MYO3B: variants seen among roughly 807,000 people sequenced by gnomAD.
MYO3B encodes the protein myosin IIIB, also known as myosin-IIIb.
In MYO3B, 156 loss-of-function variants were observed where a neutral mutation model predicts 174.6. That is an observed-to-expected ratio of 0.89 (90% confidence interval 0.78 to 1.02). The LOEUF (loss-of-function observed/expected upper bound fraction) is 1.02. Among genes scored for constraint, MYO3B ranks in the 50% least tolerant of loss-of-function variants. The probability of loss-of-function intolerance (pLI) is 0.00; values close to 1 mark genes in which losing one functional copy is unlikely to be tolerated. For missense variants in MYO3B, 1,632 were observed against 1,639.4 expected, an observed-to-expected ratio of 1.00 and a Z score of 0.08; for synonymous variants, 563 against 569.1, an observed-to-expected ratio of 0.99 and a Z score of 0.15.
chr2:170,367,351 T>C (rs2094206643), intron 8 of MYO3B, among the ~76,000 whole-genome samples: 1 of 152,228 alleles, frequency 6.6e-6, no homozygotes, highest in African/African-American at 2.4e-5. Flanking sequence ...AATACTGATA[T>C]GCCTATTTGG....
intron 34 of MYO3B, among the ~76,000 whole-genome samples, chr2:170,652,693 A>T (rs1290110721): frequency 6.6e-6 from 1 of 152,232 alleles, no homozygotes; most frequent in East Asian, 1.9e-4. Context: ...AGAGGGAACC[A>T]GATGGAGACA....
intron 7 of MYO3B, among the ~76,000 whole-genome samples, chr2:170,286,212 A>T (rs532639922): frequency 2.6e-5 from 4 of 152,358 alleles, no homozygotes; most frequent in Admixed American, 2.6e-4. Context: ...AGCCAAAGCA[A>T]TGTAAAGGAA....
At chr2:170,442,105 TG>T (rs1194683951) in intron 22 of MYO3B, among the ~76,000 whole-genome samples, 1 of 152,180 alleles carries the variant, frequency 6.6e-6, no homozygotes, top group Non-Finnish European at 1.5e-5. Flanking sequence ...TTCTTTTTTT[TG>T]TGGACATATA....
At chr2:170,544,840 C>G (rs948046961) in intron 32 of MYO3B, among the ~76,000 whole-genome samples, 3 of 151,906 alleles carry the variant, frequency 2.0e-5, no homozygotes, top group African/African-American at 7.3e-5. Flanking sequence ...ATGATAAACC[C>G]GACAAAGGAA....
At chr2:170,438,716 C>A (rs1045407834) in intron 22 of MYO3B, among the ~76,000 whole-genome samples, 4 of 151,962 alleles carry the variant, frequency 2.6e-5, no homozygotes, top group Non-Finnish European at 5.9e-5. Context: ...CTCACTGCAG[C>A]CTCCCCCTCC....
intron 8 of MYO3B, among the ~76,000 whole-genome samples, chr2:170,352,839 A>G (rs1043277435): frequency 1.3e-4 from 20 of 152,226 alleles, no homozygotes; most frequent in African/African-American, 4.6e-4. Context: ...AATAAAATAA[A>G]AAGATTCAAC....
At chr2:170,522,570 T>C (rs1688741992) in intron 30 of MYO3B, among the ~76,000 whole-genome samples, 1 of 152,252 alleles carries the variant, frequency 6.6e-6, no homozygotes. Context: ...AGAACTTTAA[T>C]GGCTTCCTAT....
intron 32 of MYO3B, among the ~76,000 whole-genome samples, chr2:170,547,490 A>G (rs2106216118): frequency 6.6e-6 from 1 of 152,354 alleles, no homozygotes; most frequent in East Asian, 1.9e-4. Flanking sequence ...AGCAATGTAT[A>G]CAGACCTCAT....
intron 10 of MYO3B, 53 bp from the exon 11 acceptor site, chr2:170,383,016 AATCT>A (rs1463313675): frequency 9.3e-7 from 1 of 1,077,770 alleles, no homozygotes; most frequent in African/African-American, 1.6e-5. Context: ...TCATTTTTAG[AATCT>A]ATCCCTTGAC....
chr2:170,598,609 C>T (rs911797161), intron 32 of MYO3B, among the ~76,000 whole-genome samples: 6 of 152,266 alleles, frequency 3.9e-5, no homozygotes, highest in African/African-American at 1.4e-4. Flanking sequence ...AGGCCACAGA[C>T]CCGAGTCCAT....
intron 30 of MYO3B, among the ~76,000 whole-genome samples, chr2:170,520,461 A>C (rs1283060503): frequency 6.7e-6 from 1 of 148,634 alleles, no homozygotes; most frequent in African/African-American, 2.5e-5. Flanking sequence ...ATATATATAC[A>C]CACACATATA....
At chr2:170,516,708 C>G (rs960083344) in intron 29 of MYO3B, among the ~76,000 whole-genome samples, 3 of 151,942 alleles carry the variant, frequency 2.0e-5, no homozygotes, top group African/African-American at 7.3e-5. Flanking sequence ...GATTTAGTTC[C>G]TCTAGAACTC....
intron 32 of MYO3B, among the ~76,000 whole-genome samples, chr2:170,577,534 G>A (rs193084894): frequency 6.6e-6 from 1 of 152,214 alleles, no homozygotes; most frequent in African/African-American, 2.4e-5. Context: ...TCCATCTCTG[G>A]ACTTACGAAT....
chr2:170,205,854 C>T (rs1317519700), intron 3 of MYO3B, among the ~76,000 whole-genome samples: 2 of 151,792 alleles, frequency 1.3e-5, no homozygotes, highest in Admixed American at 6.6e-5. Context: ...AATAGTTTCC[C>T]TTTTTTATCT....
intron 7 of MYO3B, among the ~76,000 whole-genome samples, chr2:170,263,409 T>A (rs1432101855): frequency 6.6e-6 from 1 of 152,034 alleles, no homozygotes; most frequent in Non-Finnish European, 1.5e-5. Flanking sequence ...GAAAGAAAAG[T>A]GGGCCCAGGG....
intron 12 of MYO3B, among the ~76,000 whole-genome samples, chr2:170,385,652 G>T (rs2094368594): frequency 6.6e-6 from 1 of 152,064 alleles, no homozygotes; most frequent in Admixed American, 6.6e-5. Context: ...ATGGAAGGAG[G>T]CCTCATTCAT....
intron 25 of MYO3B, among the ~76,000 whole-genome samples, chr2:170,467,077 T>C (rs1684685494): frequency 6.6e-6 from 1 of 152,194 alleles, no homozygotes; most frequent in Non-Finnish European, 1.5e-5. Flanking sequence ...TCTGGCATGA[T>C]ATAATACGAT....
intron 32 of MYO3B, among the ~76,000 whole-genome samples, chr2:170,547,163 CA>C (rs55824079): frequency 0.04 from 5,158 of 127,968 alleles, 185 homozygotes; most frequent in African/African-American, 0.1. Context: ...ACTAAAAATA[CA>C]AAAAAAAAAA....
At chr2:170,211,392 C>T (rs2092768628) in intron 3 of MYO3B, among the ~76,000 whole-genome samples, 1 of 152,208 alleles carries the variant, frequency 6.6e-6, no homozygotes, top group Non-Finnish European at 1.5e-5. Flanking sequence ...TCCCTTATTA[C>T]CCGATTTTAG....
Sources: gnomAD v4.1 joint callset for allele counts (sites outside exome capture counted in the v4.1 genomes callset) on GRCh38, gnomAD v4.1.1 for gene constraint, MANE v1.5 for transcripts, NCBI Gene and HGNC (gene_info 2026-07-23, HGNC 2026-07-21) for gene names.